The following DLG2 variants were observed in gnomAD, a reference collection of about 807,000 sequenced individuals.
DLG2 encodes disks large homolog 2.
Under a neutral mutation model 132.5 loss-of-function variants are expected in DLG2, and 45 were observed. The ratio of observed to expected loss-of-function variants is 0.34; its 90% CI spans 0.27 to 0.44. DLG2 has a LOEUF of 0.44. Ranked by LOEUF, DLG2 falls within the 20% of genes least tolerant of loss-of-function variation. The pLI is 1.00. For synonymous variants in DLG2, 424 were observed against 419.6 expected (o/e 1.01, Z -0.13); for missense variants, 1,045 against 1,196.9 (o/e 0.87, Z 1.87).
chr11:84,265,322 A>G lies in DLG2; in HGVS notation c.520-14031T>C, dbSNP rs78557736. 9.8e-3 allele frequency among the ~76,000 whole-genome samples: 1,468 copies of G among 149,888 alleles called. 23 individuals carry two copies. The highest frequency in any genetic ancestry group is 0.033 in the African/African-American group (1,349 of 41,372). On this transcript the variant is annotated intron_variant, in intron 7 of 27. Coordinates refer to ENST00000376104, the MANE Select transcript of DLG2 (RefSeq NM_001142699.3). ...GCACTGTGTTAAGAGTTCAATTCAC[A>G]TGATTTTGTTAGACTTCGAACAATG...
chr11:84,405,282 C>T (rs1567546428), intron 7 of DLG2, among the ~76,000 whole-genome samples: 1 of 152,192 alleles, frequency 6.6e-6, no homozygotes, highest in Non-Finnish European at 1.5e-5. Context: ...ACCTTAGTAT[C>T]TCCATCCTTA....
chr11:84,365,783 C>A (rs1249676674), intron 7 of DLG2, among the ~76,000 whole-genome samples: 3 of 151,970 alleles, frequency 2.0e-5, no homozygotes, highest in Non-Finnish European at 2.9e-5. Flanking sequence ...AGTAGTCATT[C>A]AGGAGCAGGT....
intron 3 of DLG2, among the ~76,000 whole-genome samples, chr11:85,398,754 T>A (rs754699642): frequency 6.6e-6 from 1 of 151,926 alleles, no homozygotes; most frequent in Admixed American, 6.6e-5. Context: ...AATAACCCAA[T>A]AACAGGTTCC....
intron 3 of DLG2, among the ~76,000 whole-genome samples, chr11:85,397,566 A>C (rs2087534664): frequency 6.6e-6 from 1 of 152,230 alleles, no homozygotes; most frequent in Non-Finnish European, 1.5e-5. Context: ...TAGGCTCAAA[A>C]TAAAGGGATG....
intron 7 of DLG2, among the ~76,000 whole-genome samples, chr11:84,385,158 G>A (rs2098764489): frequency 6.6e-6 from 1 of 151,748 alleles, no homozygotes; most frequent in African/African-American, 2.4e-5. Context: ...CACTTAAACT[G>A]GTACAAATTC....
intron 2 of DLG2, among the ~76,000 whole-genome samples, chr11:85,612,152 G>A (rs1565761274): frequency 6.6e-6 from 1 of 152,164 alleles, no homozygotes; most frequent in African/African-American, 2.4e-5. Context: ...ATAATTGAAG[G>A]TCTTCTCTGT....
At chr11:85,456,215 A>G (rs2092417129) in intron 3 of DLG2, among the ~76,000 whole-genome samples, 1 of 152,072 alleles carries the variant, frequency 6.6e-6, no homozygotes. Flanking sequence ...GTGTCCAGGA[A>G]TTTATCCATT....
chr11:84,762,250 A>G (rs1412983966), intron 6 of DLG2: 1 of 152,210 alleles, frequency 6.6e-6, no homozygotes, highest in African/African-American at 2.4e-5. Context: ...GAATGCCTCA[A>G]ATATTAAGAA....
chr11:83,990,538 G>A (rs2093649688), intron 11 of DLG2, among the ~76,000 whole-genome samples: 1 of 152,156 alleles, frequency 6.6e-6, no homozygotes, highest in Non-Finnish European at 1.5e-5. Flanking sequence ...TCAGTGAGAG[G>A]TGGGGCCTGA....
intron 3 of DLG2, among the ~76,000 whole-genome samples, chr11:85,500,107 A>G (rs1179462588): frequency 1.3e-5 from 2 of 152,156 alleles, no homozygotes; most frequent in Admixed American, 6.6e-5. Flanking sequence ...GCAATCAGGC[A>G]GGTGAAAGAA....
intron 6 of DLG2, among the ~76,000 whole-genome samples, chr11:85,104,695 G>A (rs1434172376): frequency 6.6e-6 from 1 of 151,596 alleles, no homozygotes; most frequent in African/African-American, 2.4e-5. Context: ...TACTTTAAAT[G>A]GGTGAATTGT....
intron 11 of DLG2, among the ~76,000 whole-genome samples, chr11:84,038,933 C>T (rs2095963582): frequency 6.6e-6 from 1 of 151,996 alleles, no homozygotes. Flanking sequence ...ATCACTGGAA[C>T]AGCATGGAGG....
intron 6 of DLG2, among the ~76,000 whole-genome samples, chr11:84,554,317 A>T (rs1488030185): frequency 2.6e-5 from 4 of 152,226 alleles, no homozygotes; most frequent in Non-Finnish European, 2.9e-5. Flanking sequence ...GACTTGCTCA[A>T]TCTTGAGGGC....
chr11:85,492,691 G>A (rs1435609841), intron 3 of DLG2, among the ~76,000 whole-genome samples: 1 of 151,832 alleles, frequency 6.6e-6, no homozygotes, highest in Admixed American at 6.6e-5. Context: ...CAAATTGGGA[G>A]GGTATATTTG....
At chr11:83,578,477 C>T (rs188073497) in intron 19 of DLG2, among the ~76,000 whole-genome samples, 361 of 151,752 alleles carry the variant, frequency 2.4e-3, no homozygotes, top group Admixed American at 6.8e-3. Context: ...TTTGTTAGAC[C>T]GGATAAAAAA....
At chr11:83,589,227 G>A (rs1593934007) in intron 19 of DLG2, among the ~76,000 whole-genome samples, 1 of 151,864 alleles carries the variant, frequency 6.6e-6, no homozygotes, top group South Asian at 2.1e-4. Flanking sequence ...AAAATGTTAA[G>A]GGCAGCCAGA....
chr11:84,520,338 T>G (rs72943756), intron 7 of DLG2, among the ~76,000 whole-genome samples: 242 of 152,326 alleles, frequency 1.6e-3, no homozygotes, highest in Non-Finnish European at 3.0e-3. Context: ...ATGTTCCCAT[T>G]TGACATGGTT....
At position 85,517,876 on chromosome 11, in the gene DLG2, C is replaced by G. The variant is rs1464405522; in HGVS notation, c.40+80781G>C. On this transcript the variant is annotated intron_variant, in intron 3 of 27. Transcript: ENST00000376104. ...GGAGGCAGGTCTTTCCTGTGCTGTT[C>G]TCATGATAGTGAAGTAAGTCTCACA... is the stretch of plus-strand genomic sequence containing the variant. Among the ~76,000 whole-genome samples, 9 of 152,188 alleles carry G rather than the reference C, an allele frequency of 5.9e-5. No homozygotes were observed. The South Asian group carries it at 1.7e-3, about 28-fold the overall frequency.
Position 84,163,492 on chromosome 11 carries a change from T to C in DLG2, c.593A>G (p.Glu198Gly). The C allele has an allele frequency of 1.2e-6, 2 of 1,607,274 alleles. No individual in the cohort carries two copies. Among genetic ancestry groups the C allele is most frequent in the Non-Finnish European group, 1.7e-6 (2 of 1,177,568 alleles). ...CAGTGTAATTTCTTCAAATTCATAT[T>C]CAATTTCTGTCCCATTGACCTGTAA... ...TIPYVNGTEIEYEFEEITLER... is the reference protein window; with the variant it reads ...TIPYVNGTEIGYEFEEITLER... The change falls in exon 9 of 28, where the codon GAA (glutamate) becomes GGA (glycine). Residue 198 changes from glutamate to glycine, a missense_variant. Glu to Gly is a moderately conservative substitution (Grantham distance 98). Coordinates refer to ENST00000376104, the MANE Select transcript of DLG2 (RefSeq NM_001142699.3).
Sources: allele counts gnomAD v4.1 joint callset (sites outside exome capture counted in the v4.1 genomes callset), GRCh38; gene constraint gnomAD v4.1.1; transcripts MANE v1.5; gene names NCBI Gene and HGNC (gene_info 2026-07-23, HGNC 2026-07-21).